WASF2: variants seen among roughly 807,000 people sequenced by gnomAD.
WASF2 encodes actin-binding protein WASF2.
Under a neutral mutation model 45.0 loss-of-function variants are expected in WASF2, and 14 were observed. The ratio of observed to expected loss-of-function variants is 0.31; its 90% CI spans 0.21 to 0.49. The LOEUF is 0.49. WASF2 is among the 20% of genes least tolerant of loss of function. The pLI, the probability that WASF2 is intolerant of heterozygous loss-of-function variation, is 0.99. For missense variants in WASF2, 439 were observed against 636.1 expected, an observed-to-expected ratio of 0.69 and a Z score of 3.33; for synonymous variants, 200 against 236.3, an observed-to-expected ratio of 0.85 and a Z score of 1.41.
chr1:27,454,893 T>TA (rs1451839018), intron 1 of WASF2, among the ~76,000 whole-genome samples: 1 of 152,196 alleles, frequency 6.6e-6, no homozygotes, highest in Non-Finnish European at 1.5e-5. Flanking sequence ...AATTTTCTGT[T>TA]AGTTTGTTTT....
chr1:27,486,354 T>C (rs2017923506), intron 1 of WASF2, among the ~76,000 whole-genome samples: 1 of 152,142 alleles, frequency 6.6e-6, no homozygotes, highest in African/African-American at 2.4e-5. Context: ...GTGCCAAGGA[T>C]TTTGAATAAG....
At chr1:27,481,681 G>A (rs2148145427) in intron 1 of WASF2, among the ~76,000 whole-genome samples, 1 of 151,718 alleles carries the variant, frequency 6.6e-6, no homozygotes, top group South Asian at 2.1e-4. Flanking sequence ...ACATCATCGG[G>A]CCATTGCACT....
intron 1 of WASF2, among the ~76,000 whole-genome samples, chr1:27,472,464 T>C (rs1274600364): frequency 6.6e-6 from 1 of 150,702 alleles, no homozygotes; most frequent in Non-Finnish European, 1.5e-5. Context: ...TGAAATCCCA[T>C]CTCTACAAAA....
chr1:27,475,155 T>C (rs2017748575), intron 1 of WASF2, among the ~76,000 whole-genome samples: 1 of 151,896 alleles, frequency 6.6e-6, no homozygotes, highest in African/African-American at 2.4e-5. Context: ...TATGTAACTG[T>C]AGTCCCAGTT....
chr1:27,441,570 G>A (rs1353353568), intron 1 of WASF2, among the ~76,000 whole-genome samples: 1 of 151,978 alleles, frequency 6.6e-6, no homozygotes, highest in African/African-American at 2.4e-5. Context: ...TGGCTAACAT[G>A]GTGAAACCCC....
At position 27,424,897 on chromosome 1, in the gene WASF2, T is replaced by G. The variant is rs550726233; in HGVS notation, c.130+3864A>C. ...GTAACGGGAGCTCAGAGGAACACTC[T>G]TAGCCCAACCTGGAAGAGAAGATTC... On this transcript the variant is annotated intron_variant, in intron 2 of 8. Coordinates refer to ENST00000618852, the MANE Select transcript of WASF2 (RefSeq NM_006990.5). 5.3e-5 allele frequency among the ~76,000 whole-genome samples: 8 copies of G among 152,300 alleles called. No individual in the cohort carries two copies. The South Asian group carries it at 1.7e-3, about 32-fold the overall frequency.
chr1:27,476,791 T>C (rs998225428), intron 1 of WASF2, among the ~76,000 whole-genome samples: 1 of 152,060 alleles, frequency 6.6e-6, no homozygotes, highest in African/African-American at 2.4e-5. Flanking sequence ...GAAAAAACAA[T>C]AGTGAAATCT....
At chr1:27,455,560 C>T (rs543581952) in intron 1 of WASF2, among the ~76,000 whole-genome samples, 1 of 152,316 alleles carries the variant, frequency 6.6e-6, no homozygotes, top group African/African-American at 2.4e-5. Context: ...CACGAACATA[C>T]TTGTTTAGCC....
chr1:27,463,738 CTT>C (rs1446061931), intron 1 of WASF2, among the ~76,000 whole-genome samples: 18 of 150,706 alleles, frequency 1.2e-4, no homozygotes, highest in Non-Finnish European at 5.9e-5. Context: ...ACTTGAATCT[CTT>C]GTCTGCTGTC....
At position 27,462,220 on chromosome 1, in the gene WASF2, C is replaced by A. The variant is rs537760727; in HGVS notation, c.-44+27766G>T. On this transcript the variant is annotated intron_variant, in intron 1 of 8. Transcript: ENST00000618852. ...CTCAAACTCTTGACCTCGTGATCTGCCCACCTTGGCCTCCCAAAGTGCTGG... is the reference window on the plus strand; with the variant it reads ...CTCAAACTCTTGACCTCGTGATCTGACCACCTTGGCCTCCCAAAGTGCTGG... Among the ~76,000 whole-genome samples, 4 of 152,050 alleles carry A rather than the reference C, an allele frequency of 2.6e-5. No homozygotes were observed. The South Asian group carries it at 6.2e-4, about 24-fold the overall frequency.
chr1:27,418,901 AT>A, intron 3 of WASF2, 52 bp downstream of exon 3: 4 of 1,557,764 alleles, frequency 2.6e-6, no homozygotes, highest in Non-Finnish European at 3.5e-6. Context: ...GGGAAAAAAA[AT>A]TCTACAAAAC....
chr1:27,425,795 C>T (rs539101845), intron 2 of WASF2, among the ~76,000 whole-genome samples: 1 of 148,144 alleles, frequency 6.8e-6, no homozygotes, highest in Non-Finnish European at 1.5e-5. Flanking sequence ...GCCGAGGTGG[C>T]GCCACTGCAC....
chr1:27,442,792 GGAGTTTGCGACCAGCCT>G (rs2017255927), intron 1 of WASF2, among the ~76,000 whole-genome samples: 1 of 150,172 alleles, frequency 6.7e-6, no homozygotes, highest in Non-Finnish European at 1.5e-5. Context: ...CACGAGGTCA[GGAGTTTGCGACCAGCCT>G]GACCAACATG....
chr1:27,470,130 T>G (rs2017669543), intron 1 of WASF2, among the ~76,000 whole-genome samples: 2 of 152,168 alleles, frequency 1.3e-5, no homozygotes, highest in African/African-American at 4.8e-5. Flanking sequence ...AAAGGCAGAA[T>G]ATAATGAAAC....
At chr1:27,415,926 T>C in intron 5 of WASF2, 59 bp downstream of exon 5, 1 of 1,425,680 alleles carries the variant, frequency 7.0e-7, no homozygotes, top group South Asian at 1.2e-5. Flanking sequence ...GGCTTCCTTT[T>C]TATCCCCCTC....
chr1:27,465,961 C>T (rs1297787566), intron 1 of WASF2, among the ~76,000 whole-genome samples: 1 of 152,082 alleles, frequency 6.6e-6, no homozygotes, highest in Non-Finnish European at 1.5e-5. Flanking sequence ...CCCACTGGTC[C>T]AATATGAAAC....
chr1:27,439,875 C>T (rs1344129476), intron 1 of WASF2, among the ~76,000 whole-genome samples: 1 of 152,036 alleles, frequency 6.6e-6, no homozygotes. Flanking sequence ...TGGTACACAC[C>T]TGTAGTCCCA....
rs147110365 is a variant in WASF2, at chr1:27,427,775, T to C, written c.130+986A>G. ...ATTCCACTGCCTTCACTAAGGGCAG[T>C]GATGCGATAGGAGGGGTGACTATCT... On this transcript the variant is annotated intron_variant, in intron 2 of 8. Coordinates refer to ENST00000618852, the MANE Select transcript of WASF2 (RefSeq NM_006990.5). Among the ~76,000 whole-genome samples the C allele has an allele frequency of 3.3e-3, 508 of 152,260 alleles. 1 individual carries two copies. Among genetic ancestry groups the C allele is most frequent in the Non-Finnish European group, 5.6e-3 (379 of 68,028 alleles).
At chr1:27,462,012 C>G (rs1174455457) in intron 1 of WASF2, among the ~76,000 whole-genome samples, 2 of 144,414 alleles carry the variant, frequency 1.4e-5, no homozygotes, top group Non-Finnish European at 3.0e-5. Context: ...GAGTCTCGCT[C>G]TGTCACCCAG....
Sources: gnomAD v4.1 joint callset for allele counts (sites outside exome capture counted in the v4.1 genomes callset) on GRCh38, gnomAD v4.1.1 for gene constraint, MANE v1.5 for transcripts, NCBI Gene and HGNC (gene_info 2026-07-23, HGNC 2026-07-21) for gene names.